The following ECHDC2 variants were observed in gnomAD, a reference collection of about 807,000 sequenced individuals.
ECHDC2 encodes enoyl-CoA hydratase domain containing 2.
ECHDC2 carries 34 observed loss-of-function variants against 40.6 expected under a neutral mutation model. The ratio of observed to expected loss-of-function variants is 0.84; its 90% confidence interval spans 0.64 to 1.11. The LOEUF (loss-of-function observed/expected upper bound fraction) is 1.11. ECHDC2 is among the 50% of genes most tolerant of loss of function. ECHDC2 has a pLI of 0.00. For synonymous variants in ECHDC2, 162 were observed against 166.6 expected, an observed-to-expected ratio of 0.97 and a Z score of 0.21; for missense variants, 392 against 400.7, an observed-to-expected ratio of 0.98 and a Z score of 0.19.
chr1:52,910,361 T>TTTTTTG (rs2150058406), intron 3 of ECHDC2, among the ~76,000 whole-genome samples: 2 of 96,652 alleles, frequency 2.1e-5, no homozygotes, highest in African/African-American at 8.2e-5. Context: ...CGTTTTTTTT[T>TTTTTTG]TTTTTTTTTT....
intron 7 of ECHDC2, chr1:52,901,934 C>T (rs891654177): frequency 5.3e-5 from 8 of 151,778 alleles, no homozygotes; most frequent in East Asian, 1.9e-4. Flanking sequence ...TGTATTAGTT[C>T]GGAGACTTTC....
chr1:52,915,645 C>G (rs1049442332), intron 1 of ECHDC2, among the ~76,000 whole-genome samples: 1 of 152,132 alleles, frequency 6.6e-6, no homozygotes, highest in African/African-American at 2.4e-5. Flanking sequence ...AGTCAAGGAC[C>G]CTGACCCCCA....
chr1:52,905,396 A>G (rs1647518812), intron 5 of ECHDC2: 2 of 464,916 alleles, frequency 4.3e-6, no homozygotes, highest in Non-Finnish European at 7.8e-6. Flanking sequence ...GAGAGCCGCT[A>G]AGGATCACAC....
intron 8 of ECHDC2, chr1:52,898,743 C>T (rs1335160395): frequency 8.1e-6 from 2 of 246,178 alleles, no homozygotes; most frequent in Admixed American, 1.0e-4. Context: ...TTGAGGTGGA[C>T]AGATGGATTA....
At position 52,897,503 on chromosome 1, in the gene ECHDC2, C is replaced by G; in HGVS notation, c.754-19G>C. On this transcript the variant is annotated intron_variant, in intron 8 of 9. Coordinates refer to ENST00000371522, the MANE Select transcript of ECHDC2 (RefSeq NM_001198961.2). ...TGTCCACCTGCAAGAAAGACGTGCT[C>G]CCTGGATTGGTCTGACCTTGTCCAT... 3 of 1,614,148 alleles carry G rather than the reference C, an allele frequency of 1.9e-6. No homozygotes were observed. The highest frequency in any genetic ancestry group is 2.5e-6 in the Non-Finnish European group (3 of 1,179,982).
intron 8 of ECHDC2, chr1:52,898,640 CG>C (rs1426131186): frequency 6.0e-6 from 1 of 166,586 alleles, no homozygotes. Flanking sequence ...TGCCCCCTCC[CG>C]GGGGCAGTGA....
At chr1:52,911,351 G>A (rs1291899598) in intron 3 of ECHDC2, among the ~76,000 whole-genome samples, 1 of 152,126 alleles carries the variant, frequency 6.6e-6, no homozygotes, top group Non-Finnish European at 1.5e-5. Context: ...TAAGATCTAA[G>A]GGTTAGAGAG....
At chr1:52,901,834 ATTTAG>A (rs760036312) in intron 7 of ECHDC2, 22 of 152,166 alleles carry the variant, frequency 1.4e-4, no homozygotes, top group Non-Finnish European at 2.8e-4. Flanking sequence ...TGTGATTGTT[ATTTAG>A]TTAAGGCAAA....
chr1:52,912,977 C>T (rs991094103), intron 1 of ECHDC2: 1 of 152,224 alleles, frequency 6.6e-6, no homozygotes, highest in African/African-American at 2.4e-5. Context: ...TGAGCCACCA[C>T]ACCCGGCCAT....
Position 52,904,644 on chromosome 1 carries a change from ACCTGGGGCAGGATCT to A in ECHDC2, c.689_702+1del, listed in dbSNP as rs781618114. 6.3e-7 allele frequency: 1 copy of A among 1,582,830 alleles called. No homozygotes were observed. The highest frequency in any genetic ancestry group is 1.1e-5 in the South Asian group (1 of 87,386). The stretch of plus-strand genomic sequence containing the variant: ...CCTTCTGGTGCCGAGCTGTCACCAC[ACCTGGGGCAGGATCT>A]CCTGGGCCAGTGCTCGTGCCCGCTG... On this transcript the variant is annotated splice_donor_variant and coding_sequence_variant, in exon 7 of 10. Coordinates refer to ENST00000371522, the MANE Select transcript of ECHDC2 (RefSeq NM_001198961.2). LOFTEE classifies it high-confidence loss of function.
Position 52,906,610 on chromosome 1 carries a change from T to A in ECHDC2, c.366A>T (p.Ala122=), listed in dbSNP as rs1647910473. 3.1e-6 allele frequency: 5 copies of A among 1,606,512 alleles called. No individual in the cohort carries two copies. The highest frequency in any genetic ancestry group is 4.3e-6 in the Non-Finnish European group (5 of 1,175,926). The change falls in exon 5 of 10, where the codon GCA becomes GCT. Residue 122 remains alanine (A), a splice_region_variant and synonymous_variant. Coordinates refer to ENST00000371522, the MANE Select transcript of ECHDC2 (RefSeq NM_001198961.2). ...CCGCAATGGTGGGTGCAGGGAAGGC[T>A]GCTGTGGAGAGGAAGAAAGGCTCAG... is the stretch of plus-strand genomic sequence containing the variant. ...QRLRGLMNDI[A]AFPAPTIAAM...
intron 6 of ECHDC2, 88 bp downstream of exon 6, chr1:52,904,946 G>C (rs1344536858): frequency 6.3e-7 from 1 of 1,597,750 alleles, no homozygotes; most frequent in Non-Finnish European, 8.6e-7. Context: ...CAGGTGGGAG[G>C]GCAGAGCCCA....
chr1:52,904,554 A>T (rs565422527), intron 7 of ECHDC2, 92 bp downstream of exon 7: 1 of 1,167,848 alleles, frequency 8.6e-7, no homozygotes, highest in Non-Finnish European at 1.2e-6. Context: ...TGTCTCTGGG[A>T]GAATGGATGT....
At chr1:52,909,838 A>C (rs1648958689) in intron 3 of ECHDC2, among the ~76,000 whole-genome samples, 1 of 152,236 alleles carries the variant, frequency 6.6e-6, no homozygotes, top group Non-Finnish European at 1.5e-5. Flanking sequence ...GCAGATGCAG[A>C]GGGCTGACGG....
chr1:52,907,807 C>T (rs1396180939), intron 4 of ECHDC2, 61 bp downstream of exon 4: 9 of 1,411,242 alleles, frequency 6.4e-6, no homozygotes, highest in Admixed American at 1.8e-5. Context: ...GTGGGGGTAG[C>T]GGGACTGTCA....
rs940341328 is a variant in ECHDC2, at chr1:52,910,462, G to A, written c.277+1104C>T. Among the ~76,000 whole-genome samples the A allele has an allele frequency of 1.3e-3, 165 of 130,726 alleles. 1 individual carries two copies. The highest frequency in any genetic ancestry group is 4.5e-3 in the African/African-American group (159 of 35,638). The allele number at this position is 130,726 out of a possible 152,430, so 85.8% of individuals were successfully genotyped here. On this transcript the variant is annotated intron_variant, in intron 3 of 9. Coordinates refer to ENST00000371522, the MANE Select transcript of ECHDC2 (RefSeq NM_001198961.2). Reference sequence around the variant, plus strand: ...CAGCTCACTGTAACCTCCACCTCCCGGGTTCAAGCAATTCTCCTGTCTCAG... The same window carrying A: ...CAGCTCACTGTAACCTCCACCTCCCAGGTTCAAGCAATTCTCCTGTCTCAG...
At chr1:52,908,723 C>T (rs947373216) in intron 3 of ECHDC2, among the ~76,000 whole-genome samples, 2 of 151,936 alleles carry the variant, frequency 1.3e-5, no homozygotes, top group African/African-American at 4.8e-5. Flanking sequence ...CACCTGAGGT[C>T]ACGAGTTCAA....
chr1:52,917,441 G>A, intron 1 of ECHDC2: 1 of 409,332 alleles, frequency 2.4e-6, no homozygotes, highest in South Asian at 1.8e-5. Context: ...GTGGGGGACG[G>A]AGCAGCAGAG....
intron 7 of ECHDC2, among the ~76,000 whole-genome samples, chr1:52,903,157 C>T (rs1482004395): frequency 3.3e-5 from 5 of 152,112 alleles, no homozygotes; most frequent in South Asian, 4.1e-4. Context: ...GCTTTGGGCC[C>T]TGCAGCTGGT....
Sources: allele counts gnomAD v4.1 joint callset (sites outside exome capture counted in the v4.1 genomes callset), GRCh38; gene constraint gnomAD v4.1.1; transcripts MANE v1.5; gene names NCBI Gene and HGNC (gene_info 2026-07-23, HGNC 2026-07-21).